Variants in TIAM2 observed in about 807,000 individuals in gnomAD.
TIAM2 encodes the protein rho guanine nucleotide exchange factor TIAM2.
Under a neutral mutation model 152.9 loss-of-function variants are expected in TIAM2, and 80 were observed. The observed-to-expected ratio is 0.52, with a 90% confidence interval of 0.44 to 0.63. TIAM2 has a LOEUF of 0.63. TIAM2 is among the 30% of genes least tolerant of loss of function. The pLI, the probability that TIAM2 is intolerant of heterozygous loss-of-function variation, is 0.00. For synonymous variants in TIAM2, 804 were observed against 838.0 expected (o/e 0.96, Z 0.70); for missense variants, 1,965 against 2,120.1 (o/e 0.93, Z 1.44).
chr6:155,191,432 T>C (rs1781202899), intron 14 of TIAM2, among the ~76,000 whole-genome samples: 1 of 152,208 alleles, frequency 6.6e-6, no homozygotes, highest in Admixed American at 6.5e-5. Context: ...AGCCATGCAG[T>C]GTCTCTTCCA....
At chr6:155,074,493 G>A (rs1314175855) in intron 1 of TIAM2, among the ~76,000 whole-genome samples, 3 of 152,052 alleles carry the variant, frequency 2.0e-5, no homozygotes, top group Non-Finnish European at 4.4e-5. Flanking sequence ...GACTACAGAC[G>A]CCCATCACCA....
intron 20 of TIAM2, 28 bp downstream of exon 20, chr6:155,248,207 A>G (rs1280026812): frequency 6.2e-7 from 1 of 1,606,652 alleles, no homozygotes; most frequent in Non-Finnish European, 8.5e-7. Flanking sequence ...CCTCCGGGCG[A>G]GGGCCTGCAC....
rs1778196248 is a variant in TIAM2, at chr6:154,995,450, G to GCGGCGCGCGACCGGCCCCACCGAGCC, written c.-238_-213dup. The GCGGCGCGCGACCGGCCCCACCGAGCC allele has an allele frequency of 6.6e-6, 1 of 151,142 alleles. No individual in the cohort carries two copies. The highest frequency in any genetic ancestry group is 2.1e-4 in the South Asian group (1 of 4,830). 9.4% of individuals were successfully genotyped at this position (151,142 alleles called of 1,614,324 possible). ...GGCCACGCGCCGAGGGTAGCGGAGG[G>GCGGCGCGCGACCGGCCCCACCGAGCC]CGGCGCGCGACCGGCCCCACCGAGC... On this transcript the variant is annotated 5_prime_UTR_variant, in exon 1 of 27. Transcript: ENST00000682666. The surrounding 1 kb of genome is among the most constrained non-coding windows in gnomAD (Gnocchi z 5.2).
At chr6:155,115,809 C>A (rs566411057) in intron 2 of TIAM2, among the ~76,000 whole-genome samples, 3 of 152,136 alleles carry the variant, frequency 2.0e-5, no homozygotes, top group African/African-American at 7.2e-5. Context: ...TGGGGTATCC[C>A]GGCACACAGC....
chr6:155,155,267 C>T (rs935474927), intron 7 of TIAM2, among the ~76,000 whole-genome samples: 1 of 152,088 alleles, frequency 6.6e-6, no homozygotes, highest in Non-Finnish European at 1.5e-5. Flanking sequence ...ACCTCTGCCT[C>T]CTGAGTTCAA....
At chr6:155,069,760 T>C (rs1381115656) in intron 1 of TIAM2, among the ~76,000 whole-genome samples, 3 of 152,210 alleles carry the variant, frequency 2.0e-5, no homozygotes, top group South Asian at 2.1e-4. Flanking sequence ...TGAGTCAGTA[T>C]GTAGCTTCCT....
intron 1 of TIAM2, among the ~76,000 whole-genome samples, chr6:155,057,818 T>C (rs751026196): frequency 6.6e-5 from 10 of 152,108 alleles, no homozygotes; most frequent in African/African-American, 9.6e-5. Context: ...AATGCTGGGG[T>C]TACAGGCATG....
intron 4 of TIAM2, among the ~76,000 whole-genome samples, chr6:155,132,284 T>C (rs1400720911): frequency 4.0e-5 from 6 of 148,648 alleles, no homozygotes; most frequent in African/African-American, 1.5e-4. Context: ...TAAAATTATA[T>C]AGAGATTTAG....
intron 1 of TIAM2, among the ~76,000 whole-genome samples, chr6:155,004,522 C>CT (rs1488751832): frequency 6.6e-6 from 1 of 152,088 alleles, no homozygotes; most frequent in Admixed American, 6.6e-5. Flanking sequence ...TCCCGAGTAG[C>CT]TGGGACTTGT....
intron 21 of TIAM2, 136 bp from the exon 22 acceptor site, chr6:155,250,777 A>G: frequency 8.9e-7 from 1 of 1,119,358 alleles, no homozygotes; most frequent in Non-Finnish European, 1.3e-6. Flanking sequence ...TTAAGGCCCC[A>G]TGTTTACAGG....
intron 15 of TIAM2, among the ~76,000 whole-genome samples, chr6:155,227,908 C>T (rs1467548159): frequency 6.6e-6 from 1 of 152,130 alleles, no homozygotes; most frequent in Admixed American, 6.5e-5. Flanking sequence ...CTGGAATGGG[C>T]GCAACCGAAT....
In TIAM2 at chr6:155,180,851, C is replaced by T. The variant is rs558440429; in HGVS notation, c.2708-1375C>T. ...CTTGAACTCCTGGACTCAAGTGATC[C>T]GCCCACCTCAGCCTCCCAAAGTGCT... On this transcript the variant is annotated intron_variant, in intron 12 of 26. Transcript: ENST00000682666. Among the ~76,000 whole-genome samples, 199 of 152,166 alleles carry T rather than the reference C, an allele frequency of 1.3e-3. 1 individual carries two copies. The highest frequency in any genetic ancestry group is 4.8e-3 in the East Asian group (25 of 5,180).
Position 155,140,583 on chromosome 6 carries a change from A to T in TIAM2, c.1630+2971A>T, listed in dbSNP as rs1386241817. Among the ~76,000 whole-genome samples the T allele has an allele frequency of 7.3e-3, 1,015 of 138,512 alleles. 4 individuals are homozygous for T. Among genetic ancestry groups the T allele is most frequent in the African/African-American group, 0.018 (550 of 31,168 alleles). The allele number at this position is 138,512 out of a possible 152,430, so 90.9% of individuals were successfully genotyped here. A position where few individuals can be genotyped will look rare whatever the true frequency, so the allele number is the denominator to read the frequency against. ...GTGTGTGTGTGTGTGTGAGAGAGAG[A>T]GAGAGAGAGAGAGAGAGAGAGAGAG... On this transcript the variant is annotated intron_variant, in intron 5 of 26. Coordinates refer to ENST00000682666, the MANE Select transcript of TIAM2 (RefSeq NM_012454.4).
At chr6:155,212,774 G>T (rs148367664) in intron 15 of TIAM2, among the ~76,000 whole-genome samples, 2 of 152,312 alleles carry the variant, frequency 1.3e-5, no homozygotes, top group Non-Finnish European at 2.9e-5. Context: ...GAGCAGAGTG[G>T]TGAGGGGTGT....
chr6:155,083,063 T>C (rs1562310482), intron 1 of TIAM2, among the ~76,000 whole-genome samples: 1 of 151,740 alleles, frequency 6.6e-6, no homozygotes, highest in Non-Finnish European at 1.5e-5. Context: ...GAAGTAGAGG[T>C]GGGGCCGGGC....
chr6:155,142,064 G>C (rs1562330150), intron 5 of TIAM2, among the ~76,000 whole-genome samples: 1 of 149,990 alleles, frequency 6.7e-6, no homozygotes, highest in South Asian at 2.1e-4. Flanking sequence ...GCAAGGCAGG[G>C]CTGGTGGCCC....
At chr6:155,005,338 GTTTTTTA>G (rs1778381181) in intron 1 of TIAM2, 1 of 175,308 alleles carries the variant, frequency 5.7e-6, no homozygotes, top group Non-Finnish European at 1.2e-5. Flanking sequence ...TTTTGTTTTT[GTTTTTTA>G]TTTTTTATTT....
intron 7 of TIAM2, among the ~76,000 whole-genome samples, chr6:155,157,251 C>CA (rs1485803465): frequency 6.6e-6 from 1 of 152,140 alleles, no homozygotes; most frequent in Non-Finnish European, 1.5e-5. Flanking sequence ...CTTCCTGCTT[C>CA]ACCCCCGTCT....
At chr6:155,180,024 A>G (rs1342158828) in intron 12 of TIAM2, among the ~76,000 whole-genome samples, 1 of 152,208 alleles carries the variant, frequency 6.6e-6, no homozygotes, top group Non-Finnish European at 1.5e-5. Flanking sequence ...TCATGCCTGT[A>G]ATCCCAGCAC....
Sources: gnomAD v4.1 joint callset for allele counts (sites outside exome capture counted in the v4.1 genomes callset) on GRCh38, gnomAD v4.1.1 for gene constraint, Gnocchi (gnomAD v3.1) non-coding constraint, MANE v1.5 for transcripts, NCBI Gene and HGNC (gene_info 2026-07-23, HGNC 2026-07-21) for gene names.